Variants in INPP4B observed in about 807,000 individuals in gnomAD.
The protein encoded by INPP4B is inositol polyphosphate 4-phosphatase type II.
In INPP4B, 55 loss-of-function variants were observed where a neutral mutation model predicts 122.5. That is an observed-to-expected ratio of 0.45 (90% CI 0.36 to 0.56). INPP4B has a LOEUF of 0.56. INPP4B is among the 20% of genes least tolerant of loss of function. The pLI, the probability that INPP4B is intolerant of heterozygous loss-of-function variation, is 0.00. For missense variants in INPP4B, 1,000 were observed against 1,097.7 expected, an observed-to-expected ratio of 0.91 and a Z score of 1.26; for synonymous variants, 403 against 388.7, an observed-to-expected ratio of 1.04 and a Z score of -0.43.
intron 2 of INPP4B, among the ~76,000 whole-genome samples, chr4:142,517,247 G>C (rs903395173): frequency 1.3e-5 from 2 of 151,978 alleles, no homozygotes; most frequent in Non-Finnish European, 2.9e-5. Flanking sequence ...AAGTAGAACA[G>C]TATTTTTATT....
rs1221213136 is a variant in INPP4B, at chr4:142,023,925, G to A, written c.*4857C>T. 1 of 151,484 alleles carries A rather than the reference G, an allele frequency of 6.6e-6. No homozygotes were observed. Among genetic ancestry groups the A allele is most frequent in the Non-Finnish European group, 1.5e-5 (1 of 67,914 alleles). The allele number at this position is 151,484 out of a possible 1,614,324, so 9.4% of individuals were successfully genotyped here. A position where few individuals can be genotyped will look rare whatever the true frequency, so the allele number is the denominator to read the frequency against. On this transcript the variant is annotated 3_prime_UTR_variant, in exon 26 of 26. Coordinates refer to ENST00000262992, the MANE Select transcript of INPP4B (RefSeq NM_001101669.3). ...TGCAATCTGTAAAAATTCCAATTTA[G>A]GATAGCTAAATTCATTACATTTTTT...
chr4:142,655,459 A>G (rs894883390), intron 2 of INPP4B, among the ~76,000 whole-genome samples: 2 of 152,210 alleles, frequency 1.3e-5, no homozygotes, highest in Non-Finnish European at 2.9e-5. Context: ...GCTCATTTTT[A>G]ATATTTGCCT....
At chr4:142,245,111 T>C (rs111261905) in intron 11 of INPP4B, among the ~76,000 whole-genome samples, 1 of 152,344 alleles carries the variant, frequency 6.6e-6, no homozygotes, top group African/African-American at 2.4e-5. Context: ...TTGTAGATTC[T>C]GGATATTAGC....
intron 2 of INPP4B, among the ~76,000 whole-genome samples, chr4:142,686,485 G>A (rs1759367303): frequency 6.6e-6 from 1 of 152,048 alleles, no homozygotes; most frequent in Non-Finnish European, 1.5e-5. Context: ...CACAGATGAG[G>A]TCAAAGGACT....
chr4:142,592,325 T>G (rs565360959), intron 2 of INPP4B, among the ~76,000 whole-genome samples: 49 of 152,310 alleles, frequency 3.2e-4, no homozygotes, highest in Middle Eastern at 3.4e-3. Flanking sequence ...TATATTCGAC[T>G]TCACTATTTT....
At chr4:142,279,702 G>A (rs937139791) in intron 9 of INPP4B, among the ~76,000 whole-genome samples, 1 of 151,846 alleles carries the variant, frequency 6.6e-6, no homozygotes, top group African/African-American at 2.4e-5. Flanking sequence ...GAGTTCTTTA[G>A]TGTGACACCA....
At chr4:142,534,552 T>C (rs1329275027) in intron 2 of INPP4B, among the ~76,000 whole-genome samples, 5 of 152,042 alleles carry the variant, frequency 3.3e-5, no homozygotes, top group African/African-American at 1.2e-4. Context: ...AAATTTCTGT[T>C]CTTTCTAAAT....
chr4:142,702,186 C>T (rs1458683724), intron 2 of INPP4B, among the ~76,000 whole-genome samples: 1 of 150,404 alleles, frequency 6.6e-6, no homozygotes, highest in African/African-American at 2.4e-5. Context: ...TTAGTAGTTT[C>T]TTTAAAAAAA....
intron 3 of INPP4B, among the ~76,000 whole-genome samples, chr4:142,459,677 G>A (rs72946813): frequency 0.048 from 7,325 of 152,136 alleles, 191 homozygotes; most frequent in Middle Eastern, 0.082. Context: ...ACAGAGAAGC[G>A]TAATTTCTCT....
intron 11 of INPP4B, among the ~76,000 whole-genome samples, chr4:142,248,553 G>A (rs903470058): frequency 2.0e-5 from 3 of 151,852 alleles, no homozygotes; most frequent in African/African-American, 7.3e-5. Flanking sequence ...TGGCCAGACT[G>A]GTCTTGAACT....
chr4:142,090,543 T>C (rs79284209), intron 23 of INPP4B, among the ~76,000 whole-genome samples: 12,467 of 152,088 alleles, frequency 0.082, 558 homozygotes, highest in African/African-American at 0.11. Context: ...CAACTGAAAA[T>C]TGTGGTGTAC....
intron 17 of INPP4B, among the ~76,000 whole-genome samples, chr4:142,159,040 T>A (rs1818691717): frequency 6.6e-6 from 1 of 151,986 alleles, no homozygotes; most frequent in Non-Finnish European, 1.5e-5. Flanking sequence ...ATCTTCTTAA[T>A]AAGATTATAT....
chr4:142,264,510 A>C (rs1314125248), intron 10 of INPP4B, among the ~76,000 whole-genome samples: 1 of 152,204 alleles, frequency 6.6e-6, no homozygotes, highest in African/African-American at 2.4e-5. Context: ...TTAATGCTTT[A>C]TCTTCTATTT....
chr4:142,247,969 T>C (rs1490512858), intron 11 of INPP4B, among the ~76,000 whole-genome samples: 1 of 152,162 alleles, frequency 6.6e-6, no homozygotes, highest in Non-Finnish European at 1.5e-5. Context: ...ACAAGCATTA[T>C]TGTATTCTTG....
chr4:142,832,716 CT>C (rs1427269944), intron 1 of INPP4B, among the ~76,000 whole-genome samples: 2 of 151,836 alleles, frequency 1.3e-5, no homozygotes, highest in Non-Finnish European at 2.9e-5. Context: ...AATTTAATTG[CT>C]TTTAGACAGC....
At chr4:142,638,910 C>CT (rs748060792) in intron 2 of INPP4B, among the ~76,000 whole-genome samples, 1 of 152,008 alleles carries the variant, frequency 6.6e-6, no homozygotes, top group Non-Finnish European at 1.5e-5. Context: ...TGCCTATAGG[C>CT]TTTTTTGTGG....
chr4:142,049,038 G>A (rs938127812), intron 25 of INPP4B, among the ~76,000 whole-genome samples: 2 of 151,878 alleles, frequency 1.3e-5, no homozygotes, highest in Admixed American at 6.6e-5. Context: ...CTATCACCAT[G>A]GGCAGTGACA....
At chr4:142,226,299 T>TAGAG (rs146286115) in intron 12 of INPP4B, among the ~76,000 whole-genome samples, 5,212 of 152,190 alleles carry the variant, frequency 0.034, 289 homozygotes, top group African/African-American at 0.12. Flanking sequence ...GTTTTCAACA[T>TAGAG]AAACTGTTGC....
intron 7 of INPP4B, among the ~76,000 whole-genome samples, chr4:142,364,558 TAA>T (rs1786695014): frequency 6.6e-6 from 1 of 152,070 alleles, no homozygotes; most frequent in Admixed American, 6.6e-5. Context: ...AAGCAAATTT[TAA>T]AAAGACAAAA....
Sources: gnomAD v4.1 joint callset for allele counts (sites outside exome capture counted in the v4.1 genomes callset) on GRCh38, gnomAD v4.1.1 for gene constraint, MANE v1.5 for transcripts, NCBI Gene and HGNC (gene_info 2026-07-23, HGNC 2026-07-21) for gene names.